The following ROR1 variants were observed in gnomAD, a reference collection of about 807,000 sequenced individuals.
ROR1 encodes ROR family WNT receptor 1, also known as inactive tyrosine-protein kinase transmembrane receptor ROR1.
ROR1 carries 19 observed loss-of-function variants against 78.8 expected under a neutral mutation model. The ratio of observed to expected loss-of-function variants is 0.24; its 90% CI spans 0.17 to 0.35. The LOEUF (loss-of-function observed/expected upper bound fraction) is 0.35. Among genes scored for constraint, ROR1 ranks in the 10% least tolerant of loss-of-function variants. The probability of loss-of-function intolerance (pLI) is 1.00; values close to 1 mark genes in which losing one functional copy is unlikely to be tolerated. For synonymous variants in ROR1, 386 were observed against 433.6 expected (o/e 0.89, Z 1.36); for missense variants, 917 against 1,177.8 (o/e 0.78, Z 3.24).
intron 1 of ROR1, among the ~76,000 whole-genome samples, chr1:63,962,787 A>G (rs2100487314): frequency 6.6e-6 from 1 of 152,242 alleles, no homozygotes; most frequent in South Asian, 2.1e-4. Flanking sequence ...ATAGCAAGTG[A>G]AGGAATGTGG....
intron 1 of ROR1, among the ~76,000 whole-genome samples, chr1:63,958,394 C>T (rs574570090): frequency 1.9e-4 from 29 of 152,134 alleles, no homozygotes; most frequent in Admixed American, 6.5e-4. Context: ...ATTATGGTTT[C>T]GGGGGAAGAA....
chr1:63,801,360 T>A (rs1428525194), intron 1 of ROR1, among the ~76,000 whole-genome samples: 1 of 152,132 alleles, frequency 6.6e-6, no homozygotes, highest in Non-Finnish European at 1.5e-5. Context: ...AGTGGCATGA[T>A]CTCGGCTTAC....
At chr1:63,929,423 TTCTC>T (rs143762265) in intron 1 of ROR1, among the ~76,000 whole-genome samples, 1,996 of 150,180 alleles carry the variant, frequency 0.013, 42 homozygotes, top group African/African-American at 0.047. Flanking sequence ...AGAGTTTCAG[TTCTC>T]TCTCTCTCTC....
intron 4 of ROR1, among the ~76,000 whole-genome samples, chr1:64,069,257 T>C (rs1219161574): frequency 6.6e-6 from 1 of 152,228 alleles, no homozygotes; most frequent in Non-Finnish European, 1.5e-5. Context: ...AAAATTCTTT[T>C]TGCACAACAA....
intron 1 of ROR1, among the ~76,000 whole-genome samples, chr1:63,953,302 A>T (rs1449829928): frequency 6.6e-6 from 1 of 152,156 alleles, no homozygotes; most frequent in Non-Finnish European, 1.5e-5. Flanking sequence ...GTCCCCTCTT[A>T]TCTGTGTGGG....
intron 1 of ROR1, among the ~76,000 whole-genome samples, chr1:63,834,023 CT>C (rs1645005351): frequency 7.1e-6 from 1 of 141,484 alleles, no homozygotes; most frequent in Non-Finnish European, 1.5e-5. Context: ...TTGTTTCCAA[CT>C]CAGGGAAAAA....
intron 1 of ROR1, among the ~76,000 whole-genome samples, chr1:63,933,746 G>A (rs1303190537): frequency 6.6e-6 from 1 of 152,194 alleles, no homozygotes; most frequent in Non-Finnish European, 1.5e-5. Flanking sequence ...TGGTGAAGTT[G>A]GGATCTGTAG....
chr1:64,139,807 C>T (rs765145060), intron 5 of ROR1, among the ~76,000 whole-genome samples: 1 of 152,010 alleles, frequency 6.6e-6, no homozygotes, highest in Non-Finnish European at 1.5e-5. Context: ...ACACAAAGTT[C>T]GATTGCTTTG....
chr1:64,159,217 A>C (rs1413154328), intron 8 of ROR1, 25 bp downstream of exon 8: 2 of 1,563,974 alleles, frequency 1.3e-6, no homozygotes, highest in Non-Finnish European at 1.8e-6. Context: ...ACAGAGCTAC[A>C]TTTGTTCCGT....
At chr1:64,059,973 T>A (rs1221551534) in intron 4 of ROR1, among the ~76,000 whole-genome samples, 1 of 136,530 alleles carries the variant, frequency 7.3e-6, no homozygotes, top group Non-Finnish European at 1.6e-5. Context: ...TAAAATGCCA[T>A]AAAATTCCAT....
chr1:63,790,247 G>A (rs1355348942), intron 1 of ROR1, among the ~76,000 whole-genome samples: 1 of 152,200 alleles, frequency 6.6e-6, no homozygotes, highest in Non-Finnish European at 1.5e-5. Context: ...TGGGCCAGTT[G>A]AATGGATTCT....
chr1:63,814,036 G>C (rs1054457534), intron 1 of ROR1, among the ~76,000 whole-genome samples: 2 of 152,166 alleles, frequency 1.3e-5, no homozygotes, highest in African/African-American at 4.8e-5. Context: ...TTTGCATGCT[G>C]TTTTGGATTA....
intron 1 of ROR1, among the ~76,000 whole-genome samples, chr1:63,901,684 A>G (rs1294945664): frequency 6.6e-6 from 1 of 150,922 alleles, no homozygotes; most frequent in African/African-American, 2.4e-5. Context: ...TTTTTCTTAA[A>G]GGATACATTA....
intron 8 of ROR1, among the ~76,000 whole-genome samples, chr1:64,166,606 T>C (rs948651245): frequency 9.2e-5 from 14 of 151,830 alleles, no homozygotes; most frequent in Admixed American, 7.9e-4. Context: ...GCAAATGCTG[T>C]GCAAACATAG....
At chr1:63,908,196 A>G (rs1384222318) in intron 1 of ROR1, among the ~76,000 whole-genome samples, 1 of 152,180 alleles carries the variant, frequency 6.6e-6, no homozygotes, top group African/African-American at 2.4e-5. Context: ...GATATGGGTT[A>G]CATACTCATG....
intron 8 of ROR1, among the ~76,000 whole-genome samples, chr1:64,176,805 G>C (rs908350288): frequency 1.3e-5 from 2 of 152,210 alleles, no homozygotes; most frequent in Non-Finnish European, 2.9e-5. Flanking sequence ...TTTTGTTTTG[G>C]TTTCTCTTTT....
At chr1:64,090,011 T>A (rs1297323758) in intron 4 of ROR1, among the ~76,000 whole-genome samples, 4 of 152,052 alleles carry the variant, frequency 2.6e-5, no homozygotes, top group Non-Finnish European at 5.9e-5. Context: ...CTTGCCTGCC[T>A]CCATGTAAGA....
At chr1:63,975,719 G>C (rs1646154462) in intron 1 of ROR1, among the ~76,000 whole-genome samples, 1 of 152,146 alleles carries the variant, frequency 6.6e-6, no homozygotes, top group South Asian at 2.1e-4. Flanking sequence ...TCCTGTCTGA[G>C]GTTTATGCTA....
intron 1 of ROR1, among the ~76,000 whole-genome samples, chr1:63,802,418 T>G (rs1644802975): frequency 6.6e-6 from 1 of 152,242 alleles, no homozygotes; most frequent in Non-Finnish European, 1.5e-5. Context: ...CATGCTACTT[T>G]ACAGTTCTTG....
Sources: gnomAD v4.1 joint callset for allele counts (sites outside exome capture counted in the v4.1 genomes callset) on GRCh38, gnomAD v4.1.1 for gene constraint, MANE v1.5 for transcripts, NCBI Gene and HGNC (gene_info 2026-07-23, HGNC 2026-07-21) for gene names.